Variants in ZNF331 observed in about 807,000 individuals in gnomAD.
The protein encoded by ZNF331 is C2H2-like zinc finger protein rearranged in thyroid adenomas.
In ZNF331, 2 loss-of-function variants were observed where a neutral mutation model predicts 7.0. The ratio of observed to expected loss-of-function variants is 0.29; its 90% CI spans 0.12 to 0.90. The LOEUF (loss-of-function observed/expected upper bound fraction) is 0.90, where lower values mean the gene tolerates loss of function less well. Among genes scored for constraint, ZNF331 ranks in the 40% least tolerant of loss-of-function variants. The probability of loss-of-function intolerance (pLI) is 0.58; values close to 1 mark genes in which losing one functional copy is unlikely to be tolerated. For synonymous variants in ZNF331, 196 were observed against 205.4 expected, an observed-to-expected ratio of 0.95 and a Z score of 0.39; for missense variants, 432 against 587.7, an observed-to-expected ratio of 0.74 and a Z score of 2.74.
At chr19:53,556,744 C>G (rs973069383) in intron 3 of ZNF331, among the ~76,000 whole-genome samples, 7 of 152,100 alleles carry the variant, frequency 4.6e-5, no homozygotes, top group African/African-American at 1.7e-4. Context: ...CTCAAGCAAT[C>G]TTCCCACCCC....
In ZNF331 at chr19:53,573,108, A is replaced by G. The variant is rs1293142992; in HGVS notation, c.136+1378A>G. On this transcript the variant is annotated intron_variant, in intron 5 of 5. Coordinates refer to ENST00000449416, the MANE Select transcript of ZNF331 (RefSeq NM_001079906.2). The surrounding 1 kb of genome is among the most constrained non-coding windows in gnomAD (Gnocchi z 4.2). ...GTGGCGCACGCCTGTGATCTCAGCT[A>G]CTCCGGAGGCTGGTGCAGGAGAATC... 2.0e-5 allele frequency among the ~76,000 whole-genome samples: 3 copies of G among 152,000 alleles called. No homozygotes were observed. The highest frequency in any genetic ancestry group is 4.4e-5 in the Non-Finnish European group (3 of 67,996).
At position 53,545,800 on chromosome 19, in the gene ZNF331, A is replaced by C. The variant is rs151154897; in HGVS notation, c.-138+6518A>C. On this transcript the variant is annotated intron_variant, in intron 2 of 5. Transcript: ENST00000449416. ...AAGGGCACAGCCATTGTCATAGATA[A>C]GTGTTCAAGCCGGACGTGTTCTCCG... is the stretch of plus-strand genomic sequence containing the variant. Among the ~76,000 whole-genome samples, 10 of 152,318 alleles carry C rather than the reference A, an allele frequency of 6.6e-5. No individual in the cohort carries two copies. In the East Asian group the frequency reaches 1.9e-3, roughly 29 times the overall value.
At chr19:53,512,885 C>A in the ZNF331 span, among the ~76,000 whole-genome samples, 2 of 146,236 alleles carry the variant, frequency 1.4e-5, 1 homozygote, top group Non-Finnish European at 3.1e-5. Flanking sequence ...CTGAAACCAT[C>A]CCCCCGTCTG....
At chr19:53,575,029 C>T (rs531440735) in intron 5 of ZNF331, among the ~76,000 whole-genome samples, 25 of 150,534 alleles carry the variant, frequency 1.7e-4, no homozygotes, top group South Asian at 6.3e-4. Context: ...CCTTGACTTC[C>T]GGGCTCAAGC....
At chr19:53,543,323 G>T (rs2088314078) in intron 2 of ZNF331, among the ~76,000 whole-genome samples, 3 of 152,226 alleles carry the variant, frequency 2.0e-5, no homozygotes, top group Admixed American at 2.0e-4. Context: ...GGAGTGTAAT[G>T]GTGCAATCTT....
At chr19:53,546,609 G>A (rs1434925056) in intron 2 of ZNF331, among the ~76,000 whole-genome samples, 1 of 151,940 alleles carries the variant, frequency 6.6e-6, no homozygotes, top group Admixed American at 6.6e-5. Flanking sequence ...GTGTGCTTGG[G>A]TAAGGAGGGG....
At chr19:53,563,509 T>C (rs2090000690) in intron 3 of ZNF331, among the ~76,000 whole-genome samples, 1 of 152,236 alleles carries the variant, frequency 6.6e-6, no homozygotes, top group Non-Finnish European at 1.5e-5. Flanking sequence ...AATTTCATTC[T>C]TCACACATTA....
At chr19:53,531,514 G>A (rs1193556346) in intron 2 of ZNF331, among the ~76,000 whole-genome samples, 1 of 152,152 alleles carries the variant, frequency 6.6e-6, no homozygotes, top group Admixed American at 6.5e-5. Context: ...GTTTGCTAAG[G>A]AAAAGATTCG....
At chr19:53,525,753 A>C (rs2708771) in intron 2 of ZNF331, among the ~76,000 whole-genome samples, 39,939 of 152,090 alleles carry the variant, frequency 0.26, 6,215 homozygotes, top group African/African-American at 0.43. Flanking sequence ...GAACAGTATA[A>C]CTTCTTCACT....
In ZNF331 at chr19:53,538,303, T is replaced by G. The variant is rs1366853655; in HGVS notation, c.-205+7T>G. ...TCTCCGCCAGTCCGCGCAGGTGAGA[T>G]TGGTGCGCGTGGCTCCGAGGGGAGA... On this transcript the variant is annotated splice_region_variant and intron_variant, in intron 1 of 5. Transcript: ENST00000449416. 3 of 152,010 alleles carry G rather than the reference T, an allele frequency of 2.0e-5. No homozygotes were observed. Among genetic ancestry groups the G allele is most frequent in the Non-Finnish European group, 4.4e-5 (3 of 68,024 alleles). 9.4% of individuals were successfully genotyped at this position (152,010 alleles called of 1,614,324 possible).
In ZNF331 at chr19:53,571,477, C is replaced by T; in HGVS notation, c.10-127C>T. 2.5e-6 allele frequency: 3 copies of T among 1,220,770 alleles called. No individual in the cohort carries two copies. In the South Asian group the frequency reaches 4.4e-5, roughly 18 times the overall value. The allele number at this position is 1,220,770 out of a possible 1,614,324, so 75.6% of individuals were successfully genotyped here. The stretch of plus-strand genomic sequence containing the variant: ...AGTTACAGTGATGTCCTTACCGCCC[C>T]TTGCCGATGTCACGGGTGTTCAGTC... On this transcript the variant is annotated intron_variant, in intron 4 of 5. Coordinates refer to ENST00000449416, the MANE Select transcript of ZNF331 (RefSeq NM_001079906.2). The surrounding 1 kb of genome is among the most constrained non-coding windows in gnomAD (Gnocchi z 4.7).
In ZNF331 at chr19:53,578,530, C is replaced by T. The variant is rs1009402275; in HGVS notation, c.*578C>T. 1.8e-5 allele frequency: 4 copies of T among 218,240 alleles called. No homozygotes were observed. Among genetic ancestry groups the T allele is most frequent in the Non-Finnish European group, 3.7e-5 (4 of 108,980 alleles). The allele number at this position is 218,240 out of a possible 1,614,324, so 13.5% of individuals were successfully genotyped here. ...TTTTGTTAGTTACTGTTGGTAATCT[C>T]TTACTGTGCCTAATTTATAAATTAA... On this transcript the variant is annotated 3_prime_UTR_variant, in exon 6 of 6. Coordinates refer to ENST00000449416, the MANE Select transcript of ZNF331 (RefSeq NM_001079906.2).
chr19:53,542,394 A>G (rs138532488), intron 2 of ZNF331, among the ~76,000 whole-genome samples: 20 of 152,330 alleles, frequency 1.3e-4, no homozygotes, highest in Admixed American at 2.6e-4. Context: ...ACCCATGAAC[A>G]CTAATCACTG....
At chr19:53,548,713 G>A (rs1181464470) in intron 2 of ZNF331, among the ~76,000 whole-genome samples, 1 of 152,188 alleles carries the variant, frequency 6.6e-6, no homozygotes, top group Non-Finnish European at 1.5e-5. Context: ...ATGATCTGGT[G>A]TGATAGCTAA....
chr19:53,576,450 A>G (rs184513054), intron 5 of ZNF331, among the ~76,000 whole-genome samples: 2 of 152,330 alleles, frequency 1.3e-5, no homozygotes, highest in Admixed American at 6.5e-5. Context: ...TTCATCTTCA[A>G]AATAGGAAAT....
chr19:53,564,017 G>A (rs997018193), intron 3 of ZNF331, among the ~76,000 whole-genome samples: 3 of 125,282 alleles, frequency 2.4e-5, no homozygotes, highest in Non-Finnish European at 3.2e-5. Context: ...TGGCGACAGA[G>A]CGAGACTTCA....
At chr19:53,552,270 G>C (rs1330321960) in intron 2 of ZNF331, among the ~76,000 whole-genome samples, 1 of 152,140 alleles carries the variant, frequency 6.6e-6, no homozygotes, top group Non-Finnish European at 1.5e-5. Context: ...TCGCTTGTGA[G>C]AGGGAACATT....
At chr19:53,532,069 C>A (rs1374939972) in intron 2 of ZNF331, among the ~76,000 whole-genome samples, 2 of 151,960 alleles carry the variant, frequency 1.3e-5, no homozygotes, top group Non-Finnish European at 1.5e-5. Flanking sequence ...GTGATGAAAC[C>A]AAAGTGAATA....
the ZNF331 span, among the ~76,000 whole-genome samples, chr19:53,510,735 A>G: frequency 6.6e-6 from 1 of 152,096 alleles, no homozygotes; most frequent in Non-Finnish European, 1.5e-5. Flanking sequence ...GAACCAAATT[A>G]AATTTATAAA....
Sources: allele counts gnomAD v4.1 joint callset (sites outside exome capture counted in the v4.1 genomes callset), GRCh38; gene constraint gnomAD v4.1.1; non-coding constraint Gnocchi (gnomAD v3.1); transcripts MANE v1.5; gene names NCBI Gene and HGNC (gene_info 2026-07-23, HGNC 2026-07-21).